The following MAGI2 variants were observed in gnomAD, a reference collection of about 807,000 sequenced individuals.
The protein encoded by MAGI2 is membrane associated guanylate kinase, WW and PDZ domain containing 2.
Under a neutral mutation model 133.3 loss-of-function variants are expected in MAGI2, and 35 were observed. The ratio of observed to expected loss-of-function variants is 0.26; its 90% confidence interval spans 0.20 to 0.35. MAGI2 has a LOEUF of 0.35. Among genes scored for constraint, MAGI2 ranks in the 10% least tolerant of loss-of-function variants. The pLI, the probability that MAGI2 is intolerant of heterozygous loss-of-function variation, is 1.00. For missense variants in MAGI2, 1,636 were observed against 1,863.4 expected (o/e 0.88, Z 2.25); for synonymous variants, 729 against 710.6 (o/e 1.03, Z -0.41).
rs978536644 is a variant in MAGI2 at position 78,998,482 on chromosome 7, C to T, written c.418+8608G>A. Among the ~76,000 whole-genome samples the T allele has an allele frequency of 2.0e-5, 3 of 152,082 alleles. No homozygotes were observed. The South Asian group carries it at 6.2e-4, about 31-fold the overall frequency. On this transcript the variant is annotated intron_variant, in intron 2 of 21. Transcript: ENST00000354212. ...GCCCTATAATGAGTTAGTGGCAGAA[C>T]CTGTTCTAGAACCAATGGCTTCCAA...
intron 2 of MAGI2, among the ~76,000 whole-genome samples, chr7:78,644,701 A>T (rs1420293644): frequency 6.6e-6 from 1 of 152,198 alleles, no homozygotes; most frequent in African/African-American, 2.4e-5. Context: ...AAACGCAGAA[A>T]GGTCTCAAAT....
chr7:78,855,148 G>A (rs1793521012), intron 2 of MAGI2, among the ~76,000 whole-genome samples: 3 of 152,056 alleles, frequency 2.0e-5, no homozygotes, highest in Non-Finnish European at 4.4e-5. Context: ...TGGCTGAAGT[G>A]CAGAGGTGGA....
intron 1 of MAGI2, among the ~76,000 whole-genome samples, chr7:79,165,113 A>C (rs892617607): frequency 2.0e-5 from 3 of 151,754 alleles, no homozygotes; most frequent in African/African-American, 7.3e-5. Context: ...ACTGAACAGC[A>C]TCTTGTAGAT....
chr7:78,113,513 C>G (rs3779301), intron 20 of MAGI2, among the ~76,000 whole-genome samples: 36,894 of 152,010 alleles, frequency 0.24, 5,310 homozygotes, highest in Non-Finnish European at 0.34. Context: ...TATTTTTACT[C>G]TACCCTTTCT....
chr7:79,318,006 C>T, intron 1 of MAGI2, among the ~76,000 whole-genome samples: 1 of 152,178 alleles, frequency 6.6e-6, no homozygotes, highest in East Asian at 1.9e-4. Context: ...ACTCTTCCCT[C>T]TGGATTTCTG....
rs193036777 is a variant in MAGI2, at chr7:78,159,103, C to T, written c.2845+922G>A. Among the ~76,000 whole-genome samples the T allele has an allele frequency of 4.6e-3, 708 of 152,300 alleles. 7 individuals are homozygous for T. The highest frequency in any genetic ancestry group is 0.016 in the African/African-American group (672 of 41,568). ...CCAAATTATCTTTAAAAACTCTGAT[C>T]CCTGAATGCTCGGGGAGACTGATTT... On this transcript the variant is annotated intron_variant, in intron 16 of 21. Coordinates refer to ENST00000354212, the MANE Select transcript of MAGI2 (RefSeq NM_012301.4).
intron 2 of MAGI2, among the ~76,000 whole-genome samples, chr7:78,661,047 T>C (rs1237389407): frequency 1.3e-5 from 2 of 152,188 alleles, no homozygotes; most frequent in African/African-American, 2.4e-5. Context: ...TACTTCTTGG[T>C]ATCACTCACT....
chr7:78,905,803 T>C (rs188638672), intron 2 of MAGI2, among the ~76,000 whole-genome samples: 272 of 152,266 alleles, frequency 1.8e-3, no homozygotes, highest in African/African-American at 6.2e-3. Context: ...TAGTTTGGTG[T>C]GGAGGTAAGG....
At chr7:79,349,628 T>C (rs554616531) in intron 1 of MAGI2, among the ~76,000 whole-genome samples, 17 of 152,034 alleles carry the variant, frequency 1.1e-4, no homozygotes, top group Middle Eastern at 3.2e-3. Context: ...AAAGTGGCAG[T>C]GCTAGAAGGC....
At chr7:78,823,207 A>C (rs777797562) in intron 2 of MAGI2, among the ~76,000 whole-genome samples, 11 of 152,192 alleles carry the variant, frequency 7.2e-5, no homozygotes, top group Non-Finnish European at 1.5e-4. Context: ...GTCATTGCAG[A>C]GTGGAACTGG....
chr7:78,738,058 A>G (rs1250571882), intron 2 of MAGI2, among the ~76,000 whole-genome samples: 5 of 81,580 alleles, frequency 6.1e-5, no homozygotes, highest in Non-Finnish European at 1.2e-4. Flanking sequence ...TCTAACAGAA[A>G]AAAGCTTTGG....
At chr7:79,286,998 G>A (rs1319754269) in intron 1 of MAGI2, among the ~76,000 whole-genome samples, 7 of 152,050 alleles carry the variant, frequency 4.6e-5, no homozygotes, top group Non-Finnish European at 2.9e-5. Context: ...GATTACCCAG[G>A]AAGGTTGACA....
intron 2 of MAGI2, among the ~76,000 whole-genome samples, chr7:78,931,140 G>A (rs1325243719): frequency 2.0e-5 from 3 of 152,226 alleles, no homozygotes; most frequent in East Asian, 1.9e-4. Context: ...CGTCAAGGAT[G>A]TGTAATTGTC....
chr7:78,413,623 G>A (rs1351935819), intron 6 of MAGI2, among the ~76,000 whole-genome samples: 1 of 152,062 alleles, frequency 6.6e-6, no homozygotes, highest in Admixed American at 6.6e-5. Context: ...GGCAATGGGA[G>A]TGAATGAGGA....
chr7:78,637,915 A>C (rs1168308247), intron 2 of MAGI2, among the ~76,000 whole-genome samples: 1 of 152,040 alleles, frequency 6.6e-6, no homozygotes, highest in Non-Finnish European at 1.5e-5. Context: ...TCATTTCTAC[A>C]AAAAATTTAA....
chr7:79,428,269 A>G (rs368911346), intron 1 of MAGI2, among the ~76,000 whole-genome samples: 3 of 152,192 alleles, frequency 2.0e-5, no homozygotes, highest in African/African-American at 4.8e-5. Flanking sequence ...ATCTATTAAC[A>G]ACAAGCAGAG....
In MAGI2 at chr7:78,535,816, A is replaced by C. The variant is rs889838427; in HGVS notation, c.539-14171T>G. On this transcript the variant is annotated intron_variant, in intron 3 of 21. Coordinates refer to ENST00000354212, the MANE Select transcript of MAGI2 (RefSeq NM_012301.4). ...AGATATTTTGCAGACCCTGCATTTCAAGGCATCAGCTGACACCACCTAGAT... is the reference window on the plus strand; with the variant it reads ...AGATATTTTGCAGACCCTGCATTTCCAGGCATCAGCTGACACCACCTAGAT... 5.9e-5 allele frequency among the ~76,000 whole-genome samples: 9 copies of C among 152,072 alleles called. No individual in the cohort carries two copies. In the East Asian group the frequency reaches 1.4e-3, roughly 23 times the overall value.
At chr7:79,251,389 GA>G (rs1181928815) in intron 1 of MAGI2, among the ~76,000 whole-genome samples, 4 of 151,560 alleles carry the variant, frequency 2.6e-5, no homozygotes, top group African/African-American at 9.7e-5. Context: ...CAACTCTATA[GA>G]AAAAAACTCA....
chr7:78,930,995 T>C (rs1349175571), intron 2 of MAGI2, among the ~76,000 whole-genome samples: 3 of 152,028 alleles, frequency 2.0e-5, no homozygotes, highest in Non-Finnish European at 2.9e-5. Context: ...GGATGGAAAA[T>C]ATTGCTATCT....
Sources: allele counts gnomAD v4.1 joint callset (sites outside exome capture counted in the v4.1 genomes callset), GRCh38; gene constraint gnomAD v4.1.1; transcripts MANE v1.5; gene names NCBI Gene and HGNC (gene_info 2026-07-23, HGNC 2026-07-21).